Variants in USP48 observed in about 807,000 individuals in gnomAD.
USP48 encodes ubiquitin carboxyl-terminal hydrolase 48.
Under a neutral mutation model 150.7 loss-of-function variants are expected in USP48, and 43 were observed. That is an observed-to-expected ratio of 0.29 (90% CI 0.22 to 0.37). The LOEUF is 0.37. Ranked by LOEUF, USP48 falls within the 10% of genes least tolerant of loss-of-function variation. The pLI, the probability that USP48 is intolerant of heterozygous loss-of-function variation, is 1.00. For missense variants in USP48, 813 were observed against 1,249.6 expected (o/e 0.65, Z 5.27); for synonymous variants, 396 against 425.9 (o/e 0.93, Z 0.86).
chr1:21,740,090 T>C (rs1156821329), intron 8 of USP48, among the ~76,000 whole-genome samples: 1 of 152,240 alleles, frequency 6.6e-6, no homozygotes, highest in African/African-American at 2.4e-5. Context: ...TTTGTATTTT[T>C]AGTAGAGACG....
intron 22 of USP48, among the ~76,000 whole-genome samples, chr1:21,698,584 A>G (rs2097644858): frequency 6.6e-6 from 1 of 152,258 alleles, no homozygotes; most frequent in South Asian, 2.1e-4. Flanking sequence ...AAAGCTTAAA[A>G]TAACAAACTA....
chr1:21,765,300 G>A (rs1490253170), intron 1 of USP48, among the ~76,000 whole-genome samples: 1 of 152,188 alleles, frequency 6.6e-6, no homozygotes, highest in Non-Finnish European at 1.5e-5. Context: ...TTAGGCCAGG[G>A]ACACACTTTG....
chr1:21,778,200 G>T (rs1387779446), intron 1 of USP48, among the ~76,000 whole-genome samples: 1 of 150,112 alleles, frequency 6.7e-6, no homozygotes, highest in Non-Finnish European at 1.5e-5. Flanking sequence ...AATAACAAAA[G>T]GCAACTCAAT....
At chr1:21,766,223 A>G (rs1413448483) in intron 1 of USP48, among the ~76,000 whole-genome samples, 1 of 152,046 alleles carries the variant, frequency 6.6e-6, no homozygotes, top group African/African-American at 2.4e-5. Context: ...GAATATAAAA[A>G]TTAGCTGGGT....
In USP48 at chr1:21,692,999, G is replaced by C. The variant is rs1344301261; in HGVS notation, c.2883+2067C>G. Among the ~76,000 whole-genome samples, 3 of 152,078 alleles carry C rather than the reference G, an allele frequency of 2.0e-5. No homozygotes were observed. The East Asian group carries it at 5.8e-4, about 29-fold the overall frequency. On this transcript the variant is annotated intron_variant, in intron 23 of 26. Coordinates refer to ENST00000308271, the MANE Select transcript of USP48 (RefSeq NM_032236.8). ...ATTCCTGGTCTATGGAACTTAACAG[G>C]AACCATGAAAACCCTGTTGCTATCA...
chr1:21,699,670 C>T (rs994597948), intron 22 of USP48, among the ~76,000 whole-genome samples: 23 of 151,992 alleles, frequency 1.5e-4, no homozygotes, highest in Admixed American at 3.9e-4. Context: ...CCCGCCACCA[C>T]GCCCGGCTAA....
At chr1:21,774,623 G>A (rs1380749196) in intron 1 of USP48, among the ~76,000 whole-genome samples, 1 of 151,924 alleles carries the variant, frequency 6.6e-6, no homozygotes, top group Non-Finnish European at 1.5e-5. Context: ...GGAGGCAGAG[G>A]TTGCAGTGAG....
chr1:21,718,403 A>T (rs543679142), intron 14 of USP48, among the ~76,000 whole-genome samples: 1 of 152,320 alleles, frequency 6.6e-6, no homozygotes, highest in East Asian at 1.9e-4. Flanking sequence ...TGCTGCTTGA[A>T]GCTTTTGAAA....
chr1:21,777,946 T>C (rs2097903816), intron 1 of USP48, among the ~76,000 whole-genome samples: 1 of 137,166 alleles, frequency 7.3e-6, no homozygotes, highest in African/African-American at 2.8e-5. Flanking sequence ...GCCAGCATAG[T>C]GAAACCCCGT....
intron 8 of USP48, among the ~76,000 whole-genome samples, chr1:21,739,052 T>A (rs770692969): frequency 6.6e-6 from 1 of 152,168 alleles, no homozygotes; most frequent in Non-Finnish European, 1.5e-5. Flanking sequence ...CAATAAGCCA[T>A]GTAGTAAGGA....
chr1:21,781,909 T>C (rs2097915552), intron 1 of USP48: 1 of 152,234 alleles, frequency 6.6e-6, no homozygotes, highest in Non-Finnish European at 1.5e-5. Context: ...GAGCTTGGAC[T>C]TATTCGTTTG....
intron 23 of USP48, among the ~76,000 whole-genome samples, chr1:21,693,722 G>A (rs1272891517): frequency 6.6e-6 from 1 of 152,200 alleles, no homozygotes; most frequent in East Asian, 1.9e-4. Flanking sequence ...ATGACAGGCA[G>A]AAAGCCAGTG....
At chr1:21,781,562 C>T (rs1304428854) in intron 1 of USP48, among the ~76,000 whole-genome samples, 3 of 152,110 alleles carry the variant, frequency 2.0e-5, no homozygotes, top group Non-Finnish European at 4.4e-5. Context: ...GGCGAAAACC[C>T]GTCTCCACTA....
At chr1:21,777,896 G>C (rs1450565456) in intron 1 of USP48, among the ~76,000 whole-genome samples, 2 of 151,634 alleles carry the variant, frequency 1.3e-5, no homozygotes, top group East Asian at 3.9e-4. Context: ...GGGAGGCTGA[G>C]GTGGGCGTAT....
chr1:21,688,204 G>A (rs1304046369), intron 24 of USP48, among the ~76,000 whole-genome samples: 1 of 152,068 alleles, frequency 6.6e-6, no homozygotes, highest in African/African-American at 2.4e-5. Flanking sequence ...GGGCAAATGA[G>A]GCTGGTTCAA....
intron 9 of USP48, among the ~76,000 whole-genome samples, chr1:21,732,051 G>A (rs1188668195): frequency 2.6e-5 from 4 of 152,134 alleles, no homozygotes; most frequent in Admixed American, 2.6e-4. Flanking sequence ...GATTATAGCG[G>A]CGGATCATTT....
intron 25 of USP48, chr1:21,681,257 AATTTT>A (rs2097564983): frequency 6.5e-6 from 1 of 153,992 alleles, no homozygotes; most frequent in Admixed American, 6.6e-5. Flanking sequence ...TGCTTTTCAT[AATTTT>A]ATTTACTTTT....
At chr1:21,777,285 G>C (rs544576046) in intron 1 of USP48, among the ~76,000 whole-genome samples, 2 of 152,162 alleles carry the variant, frequency 1.3e-5, no homozygotes, top group South Asian at 4.2e-4. Flanking sequence ...GCCAGACCTT[G>C]TCTCATAAAA....
At chr1:21,753,991 T>C (rs894241505) in intron 3 of USP48, among the ~76,000 whole-genome samples, 5 of 151,610 alleles carry the variant, frequency 3.3e-5, no homozygotes, top group African/African-American at 9.7e-5. Context: ...CGAAACCCCG[T>C]CTCTATTAAA....
Sources: gnomAD v4.1 joint callset for allele counts (sites outside exome capture counted in the v4.1 genomes callset) on GRCh38, gnomAD v4.1.1 for gene constraint, MANE v1.5 for transcripts, NCBI Gene and HGNC (gene_info 2026-07-23, HGNC 2026-07-21) for gene names.